S100PBP: variants seen among roughly 807,000 people sequenced by gnomAD.
S100PBP encodes the protein S100P binding protein.
A neutral mutation model predicts 39.9 loss-of-function variants in S100PBP; 15 were observed. That is an observed-to-expected ratio of 0.38 (90% CI 0.25 to 0.58). The LOEUF (loss-of-function observed/expected upper bound fraction) is 0.58, where lower values mean the gene tolerates loss of function less well. Ranked by LOEUF, S100PBP falls within the 20% of genes least tolerant of loss-of-function variation. S100PBP has a pLI of 0.70. For synonymous variants in S100PBP, 178 were observed against 180.3 expected, an observed-to-expected ratio of 0.99 and a Z score of 0.10; for missense variants, 504 against 487.3, an observed-to-expected ratio of 1.03 and a Z score of -0.32.
At chr1:32,852,951 T>A in intron 5 of S100PBP, 128 bp from the exon 6 acceptor site, 2 of 638,664 alleles carry the variant, frequency 3.1e-6, no homozygotes, top group Non-Finnish European at 5.6e-6. Flanking sequence ...GCTCACTGCT[T>A]GTGATAATTG....
At chr1:32,841,627 G>C (rs777514655) in intron 5 of S100PBP, among the ~76,000 whole-genome samples, 1 of 151,432 alleles carries the variant, frequency 6.6e-6, no homozygotes, top group Non-Finnish European at 1.5e-5. Flanking sequence ...TACTCGGGAG[G>C]CTGAGGCAGG....
At position 32,856,398 on chromosome 1, in the gene S100PBP, G is replaced by C. The variant is rs1640821069; in HGVS notation, c.*360G>C. The C allele has an allele frequency of 6.3e-6, 1 of 159,116 alleles. No individual in the cohort carries two copies. Among genetic ancestry groups the C allele is most frequent in the Non-Finnish European group, 1.4e-5 (1 of 72,276 alleles). The allele number at this position is 159,116 out of a possible 1,614,324, so 9.9% of individuals were successfully genotyped here. ...TCTGCAGAGGCAAAGTCTACTTTCT[G>C]GTACCTCAAAGAAATCATTGTTCAA... On this transcript the variant is annotated 3_prime_UTR_variant, in exon 7 of 7. Transcript: ENST00000373475.
intron 2 of S100PBP, 36 bp downstream of exon 2, chr1:32,825,465 G>A (rs879792680): frequency 7.2e-5 from 11 of 152,170 alleles, no homozygotes; most frequent in East Asian, 1.9e-4. Context: ...TTGTGTTCTC[G>A]AATTTTGTTT....
chr1:32,840,340 C>T (rs1368927140), intron 5 of S100PBP, among the ~76,000 whole-genome samples: 1 of 151,298 alleles, frequency 6.6e-6, no homozygotes, highest in Non-Finnish European at 1.5e-5. Flanking sequence ...CGCACCTGGC[C>T]CCCTATTTTC....
intron 5 of S100PBP, chr1:32,836,505 T>C: frequency 1.0e-6 from 1 of 969,492 alleles, no homozygotes; most frequent in East Asian, 1.1e-4. Context: ...TCATTGTTTT[T>C]GTGTCCCAAC....
rs1277128953 is a variant in S100PBP, at chr1:32,845,890, G to A, written c.1025-7189G>A. 3.3e-5 allele frequency among the ~76,000 whole-genome samples: 5 copies of A among 151,294 alleles called. No homozygotes were observed. The East Asian group carries it at 7.9e-4, about 24-fold the overall frequency. Reference sequence around the variant, plus strand: ...GATGGGGTTTTGCCATGTTGCCCACGCTGGTCTCAAACTCCTGGGCTCAAG... The same window carrying A: ...GATGGGGTTTTGCCATGTTGCCCACACTGGTCTCAAACTCCTGGGCTCAAG... On this transcript the variant is annotated intron_variant, in intron 5 of 6. Coordinates refer to ENST00000373475, the MANE Select transcript of S100PBP (RefSeq NM_022753.4).
intron 5 of S100PBP, among the ~76,000 whole-genome samples, chr1:32,846,008 G>T (rs1640357601): frequency 1.3e-5 from 2 of 148,494 alleles, no homozygotes; most frequent in Non-Finnish European, 3.0e-5. Context: ...ATTTTTTTTT[G>T]AGATGGAGTC....
At chr1:32,836,402 G>A (rs755211247) in intron 5 of S100PBP, 4 of 303,770 alleles carry the variant, frequency 1.3e-5, no homozygotes, top group African/African-American at 4.5e-5. Flanking sequence ...AAAGTGCTGG[G>A]ATTGCAGGTG....
chr1:32,821,858 C>T (rs1316234592), intron 1 of S100PBP, among the ~76,000 whole-genome samples: 1 of 152,008 alleles, frequency 6.6e-6, no homozygotes, highest in Non-Finnish European at 1.5e-5. Flanking sequence ...AGGCTGGTCT[C>T]GAACTCCTGG....
At chr1:32,822,588 T>C (rs1429983968) in intron 1 of S100PBP, among the ~76,000 whole-genome samples, 3 of 134,100 alleles carry the variant, frequency 2.2e-5, no homozygotes, top group Admixed American at 8.7e-5. Context: ...GCCACTGCAC[T>C]CCAGTCTGGG....
chr1:32,821,174 TCA>T (rs1639039322), intron 1 of S100PBP, among the ~76,000 whole-genome samples: 1 of 151,704 alleles, frequency 6.6e-6, no homozygotes, highest in Non-Finnish European at 1.5e-5. Context: ...GCGCGGTGGT[TCA>T]CACCTGTAAT....
intron 1 of S100PBP, among the ~76,000 whole-genome samples, chr1:32,824,153 G>A (rs890456391): frequency 1.1e-4 from 16 of 150,326 alleles, no homozygotes; most frequent in Admixed American, 8.7e-4. Flanking sequence ...AGCCAAGATC[G>A]CAAGATCGTG....
intron 5 of S100PBP, among the ~76,000 whole-genome samples, chr1:32,844,750 G>GAT (rs911763206): frequency 6.6e-6 from 1 of 151,788 alleles, no homozygotes; most frequent in African/African-American, 2.4e-5. Flanking sequence ...CCGAGATAGA[G>GAT]ATATATATAG....
Position 32,826,815 on chromosome 1 carries a change from C to G in S100PBP, c.716C>G (p.Ser239Cys). 1 of 1,613,950 alleles carries G rather than the reference C, an allele frequency of 6.2e-7. No homozygotes were observed. The highest frequency in any genetic ancestry group is 8.5e-7 in the Non-Finnish European group (1 of 1,179,842). ...PDSENPTSVF[S>C]RISDHSETPN... ...AGTGAGAACCCTACGTCTGTATTCT[C>G]TCGGATCTCAGACCATTCAGAGACT... is the stretch of plus-strand genomic sequence containing the variant. The change falls in exon 3 of 7, where the codon TCT becomes TGT. Residue 239 changes from serine to cysteine, a missense_variant. Ser to Cys is a moderately radical substitution (Grantham distance 112). Transcript: ENST00000373475.
intron 5 of S100PBP, chr1:32,835,806 G>A (rs1639792825): frequency 6.7e-6 from 1 of 149,648 alleles, no homozygotes; most frequent in South Asian, 2.1e-4. Flanking sequence ...CCTTTTTAAG[G>A]CTGAATAATA....
At chr1:32,833,038 T>C (rs543374232) in intron 5 of S100PBP, among the ~76,000 whole-genome samples, 23 of 152,258 alleles carry the variant, frequency 1.5e-4, no homozygotes, top group African/African-American at 4.8e-4. Context: ...TCCTTTCTGG[T>C]ATCCCTGCAA....
At chr1:32,845,214 C>T (rs909051753) in intron 5 of S100PBP, among the ~76,000 whole-genome samples, 3 of 151,852 alleles carry the variant, frequency 2.0e-5, no homozygotes, top group South Asian at 2.1e-4. Context: ...TTAGTAGAGA[C>T]GGGGTTTCAC....
intron 5 of S100PBP, chr1:32,835,473 T>A (rs754218973): frequency 6.6e-6 from 1 of 152,166 alleles, no homozygotes; most frequent in Admixed American, 6.5e-5. Context: ...TCAGTAATGT[T>A]ACATATATTC....
chr1:32,827,783 G>GT (rs35149609), intron 3 of S100PBP, among the ~76,000 whole-genome samples: 1 of 130,426 alleles, frequency 7.7e-6, no homozygotes, highest in African/African-American at 2.9e-5. Flanking sequence ...ACCTGGCCAG[G>GT]TTTTTTTTTT....
Sources: allele counts gnomAD v4.1 joint callset (sites outside exome capture counted in the v4.1 genomes callset), GRCh38; gene constraint gnomAD v4.1.1; transcripts MANE v1.5; gene names NCBI Gene and HGNC (gene_info 2026-07-23, HGNC 2026-07-21).